KIAA0232: variants seen among roughly 807,000 people sequenced by gnomAD.
KIAA0232 encodes uncharacterized protein KIAA0232.
Under a neutral mutation model 122.0 loss-of-function variants are expected in KIAA0232, and 27 were observed. The ratio of observed to expected loss-of-function variants is 0.22; its 90% CI spans 0.16 to 0.31. The LOEUF (loss-of-function observed/expected upper bound fraction) is 0.31. Ranked by LOEUF, KIAA0232 falls within the 10% of genes least tolerant of loss-of-function variation. KIAA0232 has a pLI of 1.00. For synonymous variants in KIAA0232, 613 were observed against 587.6 expected, an observed-to-expected ratio of 1.04 and a Z score of -0.63; for missense variants, 1,551 against 1,634.2, an observed-to-expected ratio of 0.95 and a Z score of 0.88.
chr4:6,858,362 A>T, intron 5 of KIAA0232, 63 bp from the exon 6 acceptor site: 1 of 969,798 alleles, frequency 1.0e-6, no homozygotes, highest in Non-Finnish European at 1.5e-6. Flanking sequence ...GAAACTTTGA[A>T]ATACATTAGC....
At position 6,824,280 on chromosome 4, in the gene KIAA0232, A is replaced by G; in HGVS notation, c.-174A>G. The G allele has an allele frequency of 1.6e-6, 1 of 618,852 alleles. No individual in the cohort carries two copies. The highest frequency in any genetic ancestry group is 2.9e-6 in the Non-Finnish European group (1 of 344,510). The allele number at this position is 618,852 out of a possible 1,614,324, so 38.3% of individuals were successfully genotyped here. On this transcript the variant is annotated 5_prime_UTR_variant, in exon 3 of 10. The change abolishes an upstream ATG in the 5' untranslated region. Coordinates refer to ENST00000307659, the MANE Select transcript of KIAA0232 (RefSeq NM_014743.3). The stretch of plus-strand genomic sequence containing the variant: ...CTATCAGGATGTTGATTCATTAGTC[A>G]TGCCTGAAGAGGGAAAGTCTGTTTT...
At chr4:6,857,295 A>G in intron 5 of KIAA0232, 65 bp downstream of exon 5, 1 of 1,384,050 alleles carries the variant, frequency 7.2e-7, no homozygotes, top group Non-Finnish European at 1.0e-6. Context: ...TGGATTGGGG[A>G]AAATCTTAGA....
intron 4 of KIAA0232, 98 bp from the exon 5 acceptor site, chr4:6,857,066 G>T (rs551627893): frequency 5.7e-6 from 4 of 706,750 alleles, no homozygotes; most frequent in African/African-American, 5.5e-5. Context: ...TTGGAATGTG[G>T]ATGATTTGTA....
intron 2 of KIAA0232, among the ~76,000 whole-genome samples, chr4:6,822,398 A>G (rs887438335): frequency 1.2e-4 from 18 of 152,210 alleles, no homozygotes; most frequent in Non-Finnish European, 2.6e-4. Flanking sequence ...ATAGTGATAG[A>G]TAAATGCAAG....
intron 3 of KIAA0232, among the ~76,000 whole-genome samples, chr4:6,838,048 C>G (rs745667226): frequency 6.6e-6 from 1 of 152,126 alleles, no homozygotes; most frequent in South Asian, 2.1e-4. Context: ...AAATTTACTC[C>G]CATTCTGTAG....
chr4:6,838,961 T>C (rs1267021789), intron 3 of KIAA0232, among the ~76,000 whole-genome samples: 1 of 152,044 alleles, frequency 6.6e-6, no homozygotes, highest in Non-Finnish European at 1.5e-5. Flanking sequence ...AAACCCCATC[T>C]CCACTAAAAA....
intron 8 of KIAA0232, among the ~76,000 whole-genome samples, chr4:6,875,202 C>T (rs1721686583): frequency 6.6e-6 from 1 of 152,248 alleles, no homozygotes. Context: ...CTTTGATAAG[C>T]AGCGGTCATG....
intron 7 of KIAA0232, among the ~76,000 whole-genome samples, chr4:6,869,165 C>T (rs1253517928): frequency 6.6e-6 from 1 of 152,166 alleles, no homozygotes; most frequent in Non-Finnish European, 1.5e-5. Flanking sequence ...TTCCTGGCCC[C>T]TCTAGCCTGC....
At chr4:6,857,312 C>G (rs911779117) in intron 5 of KIAA0232, 82 bp downstream of exon 5, 2 of 1,252,722 alleles carry the variant, frequency 1.6e-6, no homozygotes, top group African/African-American at 3.0e-5. Flanking sequence ...TAGAATTGAT[C>G]AGAAAAGAAA....
In KIAA0232 at chr4:6,883,096, G is replaced by A. The variant is rs1216582942; in HGVS notation, c.*2130G>A. 6.6e-6 allele frequency: 1 copy of A among 152,634 alleles called. No individual in the cohort carries two copies. Among genetic ancestry groups the A allele is most frequent in the East Asian group, 1.9e-4 (1 of 5,200 alleles). 9.5% of individuals were successfully genotyped at this position (152,634 alleles called of 1,614,324 possible). A position where few individuals can be genotyped will look rare whatever the true frequency, so the allele number is the denominator to read the frequency against. ...CATAGTTAAGTAGCTGAAGCTCAGA[G>A]GCTTTCAGCAACAGAGATGAAAGTG... On this transcript the variant is annotated 3_prime_UTR_variant, in exon 10 of 10. Transcript: ENST00000307659.
At chr4:6,782,895 T>A (rs974601260) in intron 1 of KIAA0232, 54 bp downstream of exon 1, 1 of 148,638 alleles carries the variant, frequency 6.7e-6, no homozygotes. Context: ...CTCGGCCGGG[T>A]GGGCGCGGGC....
At chr4:6,833,190 T>C (rs528694874) in intron 3 of KIAA0232, among the ~76,000 whole-genome samples, 11 of 152,344 alleles carry the variant, frequency 7.2e-5, no homozygotes, top group African/African-American at 2.6e-4. Flanking sequence ...GCGCTCCTCG[T>C]GTGTGTCACT....
At position 6,785,515 on chromosome 4, in the gene KIAA0232, C is replaced by T. The variant is rs143022705; in HGVS notation, c.-354+2674C>T. ...GTTGGGATGATCACTTGAGGGAAGACGTGAAATGTCGTCAAGACTCAAACC... is the reference window on the plus strand; with the variant it reads ...GTTGGGATGATCACTTGAGGGAAGATGTGAAATGTCGTCAAGACTCAAACC... On this transcript the variant is annotated intron_variant, in intron 1 of 9. Coordinates refer to ENST00000307659, the MANE Select transcript of KIAA0232 (RefSeq NM_014743.3). Among the ~76,000 whole-genome samples the T allele has an allele frequency of 4.9e-4, 74 of 152,300 alleles. No homozygotes were observed. The East Asian group carries it at 0.01, about 21-fold the overall frequency.
chr4:6,849,062 T>G (rs1720129747), intron 4 of KIAA0232, among the ~76,000 whole-genome samples: 1 of 152,244 alleles, frequency 6.6e-6, no homozygotes, highest in African/African-American at 2.4e-5. Flanking sequence ...TAGTGCAACC[T>G]GACTTACTTG....
At chr4:6,843,748 C>G (rs181050591) in intron 4 of KIAA0232, among the ~76,000 whole-genome samples, 1 of 151,752 alleles carries the variant, frequency 6.6e-6, no homozygotes, top group African/African-American at 2.4e-5. Flanking sequence ...CCAACCTGGG[C>G]GACAGAGGGA....
At chr4:6,837,755 A>C (rs917148045) in intron 3 of KIAA0232, among the ~76,000 whole-genome samples, 2 of 152,212 alleles carry the variant, frequency 1.3e-5, no homozygotes, top group Non-Finnish European at 2.9e-5. Context: ...CCACCAAAAA[A>C]TACAAAAACC....
In KIAA0232 at chr4:6,863,544, A is replaced by G; in HGVS notation, c.3162A>G (p.Val1054=). Residue 1054 remains valine, a synonymous_variant, in exon 7 of 10, where the codon GTA becomes GTG. Transcript: ENST00000307659. ...ATCCATTTTCACAAGTTCTTCATGTAGAATGCTCATTTGAACCTGAAGGGA... is the reference window on the plus strand; with the variant it reads ...ATCCATTTTCACAAGTTCTTCATGTGGAATGCTCATTTGAACCTGAAGGGA... ...LSNPFSQVLH[V]ECSFEPEGIA... 1 of 1,614,216 alleles carries G rather than the reference A, an allele frequency of 6.2e-7. No individual in the cohort carries two copies. The highest frequency in any genetic ancestry group is 8.5e-7 in the Non-Finnish European group (1 of 1,180,046).
chr4:6,794,337 G>T (rs1021801619), intron 1 of KIAA0232, among the ~76,000 whole-genome samples: 1 of 152,194 alleles, frequency 6.6e-6, no homozygotes, highest in African/African-American at 2.4e-5. Flanking sequence ...GCATGGCTTG[G>T]TGTCAGTGCT....
chr4:6,866,696 G>C (rs1054120813), intron 7 of KIAA0232, among the ~76,000 whole-genome samples: 2 of 152,106 alleles, frequency 1.3e-5, no homozygotes, highest in Admixed American at 1.3e-4. Flanking sequence ...CGATAGAACT[G>C]GTGTCTAAGA....
Sources: allele counts gnomAD v4.1 joint callset (sites outside exome capture counted in the v4.1 genomes callset), GRCh38; gene constraint gnomAD v4.1.1; transcripts MANE v1.5; gene names NCBI Gene and HGNC (gene_info 2026-07-23, HGNC 2026-07-21).